Variants in CCDC175 observed in about 807,000 individuals in gnomAD.
CCDC175 encodes coiled-coil domain containing 175, also known as coiled-coil domain-containing protein 175.
Under a neutral mutation model 114.6 loss-of-function variants are expected in CCDC175, and 100 were observed. The ratio of observed to expected loss-of-function variants is 0.87; its 90% CI spans 0.74 to 1.03. The LOEUF (loss-of-function observed/expected upper bound fraction) is 1.03, where lower values mean the gene tolerates loss of function less well. CCDC175 is among the 50% of genes least tolerant of loss of function. CCDC175 has a pLI of 0.00. For synonymous variants in CCDC175, 306 were observed against 308.7 expected, an observed-to-expected ratio of 0.99 and a Z score of 0.09; for missense variants, 880 against 917.8, an observed-to-expected ratio of 0.96 and a Z score of 0.53.
At chr14:59,562,012 C>T (rs940982007) in intron 6 of CCDC175, among the ~76,000 whole-genome samples, 3 of 152,164 alleles carry the variant, frequency 2.0e-5, no homozygotes, top group Admixed American at 6.5e-5. Context: ...CTCTCAGCCA[C>T]GCCAGGTGAG....
Position 59,505,195 on chromosome 14 carries a change from TGTA to T in CCDC175, c.*41_*43del. The stretch of plus-strand genomic sequence containing the variant: ...TGAAAGTAAGTGCACTCACTTTTCC[TGTA>T]GTAGTCTGTCTTTTGAATTCACAGC... On this transcript the variant is annotated 3_prime_UTR_variant, in exon 20 of 20. Transcript: ENST00000537690. 1.9e-6 allele frequency: 2 copies of T among 1,035,296 alleles called. No homozygotes were observed. Among genetic ancestry groups the T allele is most frequent in the East Asian group, 2.7e-5 (1 of 37,716 alleles). The allele number at this position is 1,035,296 out of a possible 1,614,324, so 64.1% of individuals were successfully genotyped here.
chr14:59,571,134 A>G (rs1896823414), intron 3 of CCDC175, among the ~76,000 whole-genome samples: 1 of 131,442 alleles, frequency 7.6e-6, no homozygotes, highest in South Asian at 2.9e-4. Context: ...CTTACCCCAA[A>G]TATGAAATTT....
intron 3 of CCDC175, among the ~76,000 whole-genome samples, chr14:59,569,650 C>T (rs905120520): frequency 3.3e-5 from 5 of 151,182 alleles, no homozygotes; most frequent in African/African-American, 4.9e-5. Context: ...TCTTCTAAAT[C>T]TGATTTTCTT....
At chr14:59,545,859 C>G (rs1472236389) in intron 8 of CCDC175, among the ~76,000 whole-genome samples, 1 of 152,054 alleles carries the variant, frequency 6.6e-6, no homozygotes, top group East Asian at 1.9e-4. Context: ...ACTAAAATAG[C>G]TACATGAAAA....
At chr14:59,568,627 A>C (rs962367049) in intron 3 of CCDC175, among the ~76,000 whole-genome samples, 18 of 152,060 alleles carry the variant, frequency 1.2e-4, no homozygotes, top group African/African-American at 4.3e-4. Context: ...ATAGTGCCTG[A>C]TTCCCGCCCG....
chr14:59,553,790 C>CA (rs994708143), intron 7 of CCDC175, among the ~76,000 whole-genome samples: 10 of 150,902 alleles, frequency 6.6e-5, no homozygotes, highest in South Asian at 2.1e-4. Context: ...AAATGGAAAA[C>CA]AAAAAAAAGG....
At chr14:59,545,495 A>G (rs1895047222) in intron 8 of CCDC175, among the ~76,000 whole-genome samples, 196 bp from the exon 9 acceptor site, 1 of 152,190 alleles carries the variant, frequency 6.6e-6, no homozygotes, top group African/African-American at 2.4e-5. Context: ...AATTTTTTTA[A>G]GTATAGAAAA....
At chr14:59,523,554 G>C (rs1325228996) in intron 16 of CCDC175, among the ~76,000 whole-genome samples, 3 of 152,140 alleles carry the variant, frequency 2.0e-5, no homozygotes, top group East Asian at 1.9e-4. Context: ...CGTCAAATGA[G>C]ACTGAATCCC....
chr14:59,537,930 T>G, intron 13 of CCDC175, 93 bp downstream of exon 13: 1 of 832,680 alleles, frequency 1.2e-6, no homozygotes. Context: ...ATATTTATTT[T>G]ACATTTAACT....
chr14:59,565,983 AAG>A, intron 4 of CCDC175, among the ~76,000 whole-genome samples: 1 of 152,320 alleles, frequency 6.6e-6, no homozygotes, highest in East Asian at 1.9e-4. Context: ...AAGCTAAAGA[AAG>A]AGAAATCTCA....
rs1051932358 is a variant in CCDC175 at position 59,510,658 on chromosome 14, T to C, written c.2293A>G (p.Met765Val). Reference protein sequence around the residue: ...LRLLVEQESPMDLLKKKKHIR... With the variant: ...LRLLVEQESPVDLLKKKKHIR... ...AGCTGTTGCTTACTAAGAAGGTCCA[T>C]TGGTGATTCCTGTTCCACAAGCAAA... The change falls in exon 19 of 20, where the codon ATG becomes GTG. Residue 765 changes from methionine to valine, a missense_variant. Coordinates refer to ENST00000537690, the MANE Select transcript of CCDC175 (RefSeq NM_001164399.2). 9 of 1,537,082 alleles carry C rather than the reference T, an allele frequency of 5.9e-6. No individual in the cohort carries two copies. The African/African-American group carries it at 8.2e-5, about 14-fold the overall frequency.
intron 19 of CCDC175, among the ~76,000 whole-genome samples, chr14:59,507,074 C>T (rs1486636429): frequency 6.6e-6 from 1 of 152,100 alleles, no homozygotes; most frequent in Non-Finnish European, 1.5e-5. Flanking sequence ...CTTTGATTTA[C>T]AAGAAATAAA....
chr14:59,532,191 T>C (rs1894112868), intron 13 of CCDC175, among the ~76,000 whole-genome samples: 1 of 152,206 alleles, frequency 6.6e-6, no homozygotes, highest in South Asian at 2.1e-4. Context: ...CTATGAACAC[T>C]ACCATGTATA....
At chr14:59,530,350 G>A (rs1595008930) in intron 14 of CCDC175, among the ~76,000 whole-genome samples, 1 of 150,730 alleles carries the variant, frequency 6.6e-6, no homozygotes, top group East Asian at 2.0e-4. Flanking sequence ...CTGGACAACA[G>A]AGTGAGACTC....
chr14:59,531,417 T>C (rs568928465), intron 14 of CCDC175, among the ~76,000 whole-genome samples: 2 of 152,130 alleles, frequency 1.3e-5, no homozygotes, highest in African/African-American at 4.8e-5. Flanking sequence ...AAAAGAGATA[T>C]AATTTGCAAA....
At chr14:59,571,228 A>G (rs1173161880) in intron 3 of CCDC175, among the ~76,000 whole-genome samples, 2 of 152,170 alleles carry the variant, frequency 1.3e-5, no homozygotes, top group Non-Finnish European at 2.9e-5. Context: ...AAACATAGGG[A>G]AAGCCTTCAT....
intron 16 of CCDC175, among the ~76,000 whole-genome samples, chr14:59,522,397 A>G (rs532475434): frequency 6.6e-6 from 1 of 152,274 alleles, no homozygotes; most frequent in South Asian, 2.1e-4. Context: ...GGGTCTACTC[A>G]TGTATCTTTG....
chr14:59,562,075 C>T (rs1357122028), intron 6 of CCDC175, among the ~76,000 whole-genome samples: 1 of 152,174 alleles, frequency 6.6e-6, no homozygotes, highest in African/African-American at 2.4e-5. Context: ...GCACCCATAG[C>T]TAGTTCCAGA....
In CCDC175 at chr14:59,574,924, C is replaced by T. The variant is rs1013905070; in HGVS notation, c.243+19G>A. On this transcript the variant is annotated intron_variant, in intron 2 of 19. Transcript: ENST00000537690. ...TATGTGGAAGATTGAAGAAATGGTT[C>T]TTATAGATAATACAATACCAATTTC... 1.6e-5 allele frequency: 20 copies of T among 1,274,486 alleles called. No homozygotes were observed. The highest frequency in any genetic ancestry group is 2.5e-5 in the East Asian group (1 of 39,420). The allele number at this position is 1,274,486 out of a possible 1,614,324, so 78.9% of individuals were successfully genotyped here. A position where few individuals can be genotyped will look rare whatever the true frequency, so the allele number is the denominator to read the frequency against.
Sources: gnomAD v4.1 joint callset for allele counts (sites outside exome capture counted in the v4.1 genomes callset) on GRCh38, gnomAD v4.1.1 for gene constraint, MANE v1.5 for transcripts, NCBI Gene and HGNC (gene_info 2026-07-23, HGNC 2026-07-21) for gene names.